The following IFT140 variants were observed in gnomAD, a reference collection of about 807,000 sequenced individuals.
The protein encoded by IFT140 is intraflagellar transport protein 140 homolog.
A neutral mutation model predicts 164.6 loss-of-function variants in IFT140; 133 were observed. That is an observed-to-expected ratio of 0.81 (90% CI 0.70 to 0.93). The LOEUF (loss-of-function observed/expected upper bound fraction) is 0.93. Ranked by LOEUF, IFT140 falls within the 40% of genes least tolerant of loss-of-function variation. The probability of loss-of-function intolerance (pLI) is 0.00; values close to 1 mark genes in which losing one functional copy is unlikely to be tolerated. For missense variants in IFT140, 2,045 were observed against 1,972.3 expected (o/e 1.04, Z -0.70); for synonymous variants, 860 against 817.3 (o/e 1.05, Z -0.89).
chr16:1,582,590 G>C (rs878947572), intron 12 of IFT140, among the ~76,000 whole-genome samples: 1 of 152,258 alleles, frequency 6.6e-6, no homozygotes, highest in Non-Finnish European at 1.5e-5. Flanking sequence ...CCATAGATGT[G>C]CTGAAGAGAG....
chr16:1,607,020 AGG>A, intron 3 of IFT140, 98 bp downstream of exon 3: 1 of 1,171,042 alleles, frequency 8.5e-7, no homozygotes, highest in Non-Finnish European at 1.3e-6. Flanking sequence ...ACACACCCAT[AGG>A]CACACACACA....
intron 19 of IFT140, among the ~76,000 whole-genome samples, chr16:1,552,549 C>T (rs1274971773): frequency 6.6e-6 from 1 of 152,244 alleles, no homozygotes; most frequent in Non-Finnish European, 1.5e-5. Flanking sequence ...ACCCCAGTAA[C>T]ACAAGCATCG....
Position 1,564,778 on chromosome 16 carries a change from C to A in IFT140, c.1902-616G>T, listed in dbSNP as rs542185696. 1.3e-5 allele frequency among the ~76,000 whole-genome samples: 2 copies of A among 152,348 alleles called. No homozygotes were observed. Among genetic ancestry groups the A allele is most frequent in the Non-Finnish European group, 2.9e-5 (2 of 68,034 alleles). ...GCCCCCAGGGTGTCACGAACCCAGGCTGCAGAGTGGGACCCTGCCGGGCAG... is the reference window on the plus strand; with the variant it reads ...GCCCCCAGGGTGTCACGAACCCAGGATGCAGAGTGGGACCCTGCCGGGCAG... On this transcript the variant is annotated intron_variant, in intron 16 of 30. Coordinates refer to ENST00000426508, the MANE Select transcript of IFT140 (RefSeq NM_014714.4). The surrounding 1 kb of genome is among the most constrained non-coding windows in gnomAD (Gnocchi z 5.5).
intron 9 of IFT140, 104 bp downstream of exon 9, chr16:1,587,094 C>A: frequency 1.3e-6 from 1 of 765,016 alleles, no homozygotes; most frequent in African/African-American, 1.7e-5. Flanking sequence ...TACCAAGTTA[C>A]CATTGTGTGA....
intron 19 of IFT140, among the ~76,000 whole-genome samples, chr16:1,540,043 T>C (rs1056954632): frequency 1.3e-5 from 2 of 152,128 alleles, no homozygotes; most frequent in Non-Finnish European, 2.9e-5. Flanking sequence ...GGGAAGCAGC[T>C]TGAAATACAG....
chr16:1,578,560 T>C (rs961396605), intron 13 of IFT140, among the ~76,000 whole-genome samples: 1 of 145,088 alleles, frequency 6.9e-6, no homozygotes, highest in African/African-American at 2.6e-5. Context: ...CTGGGTGACA[T>C]AGTGAGATCC....
intron 4 of IFT140, 83 bp downstream of exon 4, chr16:1,602,287 C>G: frequency 8.3e-7 from 1 of 1,198,666 alleles, no homozygotes; most frequent in Non-Finnish European, 1.2e-6. Flanking sequence ...CAGCACGGTT[C>G]CCATATTTTG....
At chr16:1,605,984 C>T (rs1354756547) in intron 3 of IFT140, among the ~76,000 whole-genome samples, 1 of 152,100 alleles carries the variant, frequency 6.6e-6, no homozygotes, top group East Asian at 1.9e-4. Flanking sequence ...AAGGGAAGGC[C>T]GGATGACACC....
Position 1,588,025 on chromosome 16 carries a change from C to T in IFT140, c.811-1G>A. On this transcript the variant is annotated splice_acceptor_variant, in intron 7 of 30. Coordinates refer to ENST00000426508, the MANE Select transcript of IFT140 (RefSeq NM_014714.4). LOFTEE classifies it high-confidence loss of function. Reference sequence around the variant, plus strand: ...GGCCGGTTTTCCCGCTCAGCTTGACCTGTGTGAGGAAACAACCGAGCAGAG... The same window carrying T: ...GGCCGGTTTTCCCGCTCAGCTTGACTTGTGTGAGGAAACAACCGAGCAGAG... The T allele has an allele frequency of 6.2e-7, 1 of 1,613,460 alleles. No homozygotes were observed. Among genetic ancestry groups the T allele is most frequent in the Non-Finnish European group, 8.5e-7 (1 of 1,179,700 alleles).
In IFT140 at chr16:1,571,629, ATGTGAGTTACTGAACAT is replaced by A. The variant is rs555541934; in HGVS notation, c.1525-112_1525-96del. 2.5e-4 allele frequency: 326 copies of A among 1,290,868 alleles called. 7 individuals are homozygous for A. The South Asian group carries it at 4.4e-3, about 18-fold the overall frequency. 80.0% of individuals were successfully genotyped at this position (1,290,868 alleles called of 1,614,324 possible). A position where few individuals can be genotyped will look rare whatever the true frequency, so the allele number is the denominator to read the frequency against. On this transcript the variant is annotated intron_variant, in intron 13 of 30. Coordinates refer to ENST00000426508, the MANE Select transcript of IFT140 (RefSeq NM_014714.4). The stretch of plus-strand genomic sequence containing the variant: ...TACACACAAGAAATGGATATATTTC[ATGTGAGTTACTGAACAT>A]TGTTCACAGATAACCTTGTACACTC...
rs117778007 is a variant in IFT140, at chr16:1,606,939, G to A, written c.147+181C>T. Among the ~76,000 whole-genome samples the A allele has an allele frequency of 6.2e-3, 932 of 150,946 alleles. 4 individuals carry two copies. The highest frequency in any genetic ancestry group is 9.6e-3 in the Non-Finnish European group (649 of 67,784). ...ACCCACGTGTGCGCACACACACACA[G>A]ATGCAGACATACATATGCGCATACA... On this transcript the variant is annotated intron_variant, in intron 3 of 30. Transcript: ENST00000426508.
Position 1,520,782 on chromosome 16 carries a change from C to T in IFT140, c.3480G>A (p.Leu1160=). Reference sequence around the variant, plus strand: ...CCTCGGTGATGCTCATGTTCTGCCCCAGGCACAGCTGCAGGGCTTCCTGAT... The same window carrying T: ...CCTCGGTGATGCTCATGTTCTGCCCTAGGCACAGCTGCAGGGCTTCCTGAT... ...RKYQEALQLC[L]GQNMSITEEM... The change falls in exon 27 of 31, where the codon CTG becomes CTA. Residue 1160 remains leucine, a synonymous_variant. Coordinates refer to ENST00000426508, the MANE Select transcript of IFT140 (RefSeq NM_014714.4). 1 of 1,606,054 alleles carries T rather than the reference C, an allele frequency of 6.2e-7. No individual in the cohort carries two copies. The highest frequency in any genetic ancestry group is 2.2e-5 in the East Asian group (1 of 44,878).
At chr16:1,590,320 C>T (rs938774323) in intron 6 of IFT140, among the ~76,000 whole-genome samples, 2 of 152,172 alleles carry the variant, frequency 1.3e-5, no homozygotes, top group Non-Finnish European at 2.9e-5. Context: ...CTCCTCTGCC[C>T]CTGTCTTGGA....
At chr16:1,574,344 C>A (rs986730295) in intron 13 of IFT140, among the ~76,000 whole-genome samples, 1 of 152,108 alleles carries the variant, frequency 6.6e-6, no homozygotes, top group Non-Finnish European at 1.5e-5. Context: ...AGTTGTACAA[C>A]CACAGCTCAC....
intron 26 of IFT140, among the ~76,000 whole-genome samples, 196 bp from the exon 27 acceptor site, chr16:1,521,004 G>A (rs1439339776): frequency 2.0e-5 from 3 of 152,198 alleles, no homozygotes; most frequent in Non-Finnish European, 2.9e-5. Flanking sequence ...ACTTTCTCAC[G>A]CTGTTAACAT....
chr16:1,603,671 C>T (rs909101654), intron 3 of IFT140, among the ~76,000 whole-genome samples: 3 of 152,136 alleles, frequency 2.0e-5, no homozygotes, highest in Non-Finnish European at 2.9e-5. Context: ...TTAGTAGAGA[C>T]AGTGTTTCAT....
chr16:1,514,679 A>G (rs149016563), intron 30 of IFT140: 92 of 152,314 alleles, frequency 6.0e-4, no homozygotes, highest in African/African-American at 2.1e-3. Context: ...GAGGAATGTA[A>G]CAGAATCCAG....
intron 19 of IFT140, 128 bp from the exon 20 acceptor site, chr16:1,526,924 AC>A (rs1366843543): frequency 9.5e-7 from 1 of 1,053,016 alleles, no homozygotes; most frequent in African/African-American, 1.6e-5. Flanking sequence ...AGGGGCCTTC[AC>A]CCATCGGCTC....
rs756215215 is a variant in IFT140, at chr16:1,523,612, G to A, written c.3359C>T (p.Thr1120Met). Residue 1120 changes from threonine to methionine, a missense_variant, in exon 26 of 31, where the codon ACG (threonine) becomes ATG (methionine). Transcript: ENST00000426508. ...GCGGGCCAGGAGCGCAGGGTCTGAC[G>A]TCTCATCCAGGTCCTCTGCTATGAG... The part of the protein sequence containing the change: ...LQLIAEDLDE[T>M]SDPALLARCS... 8.7e-6 allele frequency: 14 copies of A among 1,613,958 alleles called. No individual in the cohort carries two copies. In the Middle Eastern group the frequency reaches 4.9e-4, roughly 57 times the overall value.
Sources: allele counts gnomAD v4.1 joint callset (sites outside exome capture counted in the v4.1 genomes callset), GRCh38; gene constraint gnomAD v4.1.1; non-coding constraint Gnocchi (gnomAD v3.1); transcripts MANE v1.5; gene names NCBI Gene and HGNC (gene_info 2026-07-23, HGNC 2026-07-21).